ZNF518B: variants seen among roughly 807,000 people sequenced by gnomAD.
The protein encoded by ZNF518B is zinc finger protein 518B.
In ZNF518B, 23 loss-of-function variants were observed where a neutral mutation model predicts 56.3. That is an observed-to-expected ratio of 0.41 (90% CI 0.29 to 0.58). ZNF518B has a LOEUF of 0.58. Ranked by LOEUF, ZNF518B falls within the 20% of genes least tolerant of loss-of-function variation. The pLI is 0.32. For missense variants in ZNF518B, 1,460 were observed against 1,272.1 expected, an observed-to-expected ratio of 1.15 and a Z score of -2.25; for synonymous variants, 529 against 465.9, an observed-to-expected ratio of 1.14 and a Z score of -1.74.
chr4:10,444,668 T>C lies in ZNF518B; in HGVS notation c.1661A>G (p.Glu554Gly). ...AGGAATATTGACTTTACTTGTAGAT[T>C]CCAAGTCATTTTCACTTACAGGCAA... is the stretch of plus-strand genomic sequence containing the variant. ...GLLPVSENDL[E>G]STSKVNIPVK... Residue 554 changes from glutamate to glycine, a missense_variant, in exon 3 of 3, where the codon GAA (glutamate) becomes GGA (glycine). Coordinates refer to ENST00000326756, the MANE Select transcript of ZNF518B (RefSeq NM_053042.3). 1 of 1,614,204 alleles carries C rather than the reference T, an allele frequency of 6.2e-7. No homozygotes were observed. Among genetic ancestry groups the C allele is most frequent in the Non-Finnish European group, 8.5e-7 (1 of 1,180,036 alleles).
chr4:10,458,131 A>C (rs1007244385), upstream of ZNF518B, among the ~76,000 whole-genome samples: 1 of 152,020 alleles, frequency 6.6e-6, no homozygotes, highest in African/African-American at 2.4e-5. Flanking sequence ...CTCTAGATAC[A>C]CCTGCATCTA....
Position 10,440,826 on chromosome 4 carries a change from T to C in ZNF518B, c.*2278A>G, listed in dbSNP as rs1216882404. The C allele has an allele frequency of 1.3e-5, 2 of 152,076 alleles. No individual in the cohort carries two copies. Among genetic ancestry groups the C allele is most frequent in the Non-Finnish European group, 1.5e-5 (1 of 68,004 alleles). 9.4% of individuals were successfully genotyped at this position (152,076 alleles called of 1,614,324 possible). A position where few individuals can be genotyped will look rare whatever the true frequency, so the allele number is the denominator to read the frequency against. On this transcript the variant is annotated 3_prime_UTR_variant, in exon 3 of 3. Transcript: ENST00000326756. ...TCCAGCTTTTCAGGAAAAAGCACTA[T>C]GTGGTGAGGAATAGGAGATAAAAAA... is the stretch of plus-strand genomic sequence containing the variant.
chr4:10,460,303 TCAAAAAAAAAAAAAAAAAAAC>T (rs1165959041), upstream of ZNF518B, among the ~76,000 whole-genome samples: 7 of 16,616 alleles, frequency 4.2e-4, no homozygotes, highest in South Asian at 3.4e-3. Flanking sequence ...AGACTCTGTC[TCAAAAAAAAAAAAAAAAAAAC>T]CAAAAAAAAA....
At chr4:10,460,325 C>CAAAAAAAAAAAAAA (rs1043723933), upstream of ZNF518B, among the ~76,000 whole-genome samples, 793 of 57,584 alleles carry the variant, frequency 0.014, 248 homozygotes, top group East Asian at 0.017. Flanking sequence ...AAAAAAAAAC[C>CAAAAAAAAAAAAAA]AAAAAAAAAA....
Position 10,442,445 on chromosome 4 carries a change from T to C in ZNF518B, c.*659A>G, listed in dbSNP as rs978808403. 2.0e-5 allele frequency: 3 copies of C among 152,256 alleles called. No homozygotes were observed. Among genetic ancestry groups the C allele is most frequent in the African/African-American group, 7.2e-5 (3 of 41,466 alleles). The allele number at this position is 152,256 out of a possible 1,614,324, so 9.4% of individuals were successfully genotyped here. A position where few individuals can be genotyped will look rare whatever the true frequency, so the allele number is the denominator to read the frequency against. Reference sequence around the variant, plus strand: ...AAAAGCTAAGTATTTGAAAATGTTATCTTTCTTCTAACACTTGCTGTGAAA... The same window carrying C: ...AAAAGCTAAGTATTTGAAAATGTTACCTTTCTTCTAACACTTGCTGTGAAA... On this transcript the variant is annotated 3_prime_UTR_variant, in exon 3 of 3. Coordinates refer to ENST00000326756, the MANE Select transcript of ZNF518B (RefSeq NM_053042.3).
upstream of ZNF518B, among the ~76,000 whole-genome samples, chr4:10,459,982 C>T (rs535842505): frequency 5.3e-5 from 8 of 152,164 alleles, no homozygotes; most frequent in South Asian, 2.1e-4. Flanking sequence ...TGGGAGCCAA[C>T]GTTCATTCAT....
chr4:10,452,221 C>T (rs1000076579), intron 2 of ZNF518B: 1 of 152,166 alleles, frequency 6.6e-6, no homozygotes, highest in African/African-American at 2.4e-5. Context: ...GATCCTGTCC[C>T]TCATTTGCAG....
chr4:10,451,338 T>C (rs1235216446), intron 2 of ZNF518B: 1 of 152,188 alleles, frequency 6.6e-6, no homozygotes, highest in Admixed American at 6.5e-5. Context: ...TGAAGAGAAG[T>C]AAGTGGTAAC....
chr4:10,458,132 C>T (rs1017251212), upstream of ZNF518B, among the ~76,000 whole-genome samples: 2 of 152,130 alleles, frequency 1.3e-5, no homozygotes, highest in Admixed American at 1.3e-4. Flanking sequence ...TCTAGATACA[C>T]CTGCATCTAC....
At chr4:10,457,899 C>T (rs948830140), upstream of ZNF518B, among the ~76,000 whole-genome samples, 1 of 152,194 alleles carries the variant, frequency 6.6e-6, no homozygotes, top group African/African-American at 2.4e-5. Flanking sequence ...ATCTTAGCTG[C>T]TGGACCTTGG....
Position 10,442,238 on chromosome 4 carries a change from G to A in ZNF518B, c.*866C>T, listed in dbSNP as rs530925396. The stretch of plus-strand genomic sequence containing the variant: ...TGAGCCTACCTTGAACTGTGTTTGC[G>A]AGTTTTACCTATGTTGTAAGCCTGT... On this transcript the variant is annotated 3_prime_UTR_variant, in exon 3 of 3. Coordinates refer to ENST00000326756, the MANE Select transcript of ZNF518B (RefSeq NM_053042.3). 3 of 152,314 alleles carry A rather than the reference G, an allele frequency of 2.0e-5. No homozygotes were observed. The highest frequency in any genetic ancestry group is 6.5e-5 in the Admixed American group (1 of 15,296). 9.4% of individuals were successfully genotyped at this position (152,314 alleles called of 1,614,324 possible).
rs906822237 is a variant in ZNF518B, at chr4:10,442,026, AG to A, written c.*1077del. 1 of 152,226 alleles carries A rather than the reference AG, an allele frequency of 6.6e-6. No homozygotes were observed. The highest frequency in any genetic ancestry group is 2.4e-5 in the African/African-American group (1 of 41,462). The allele number at this position is 152,226 out of a possible 1,614,324, so 9.4% of individuals were successfully genotyped here. A position where few individuals can be genotyped will look rare whatever the true frequency, so the allele number is the denominator to read the frequency against. The stretch of plus-strand genomic sequence containing the variant: ...CTTAAGGGGTCTCAAAGGCACAGAA[AG>A]GAAGAAACAGTGGGCAAGGAAGTTG... On this transcript the variant is annotated 3_prime_UTR_variant, in exon 3 of 3. Coordinates refer to ENST00000326756, the MANE Select transcript of ZNF518B (RefSeq NM_053042.3).
upstream of ZNF518B, among the ~76,000 whole-genome samples, chr4:10,458,672 C>G (rs1237556097): frequency 6.6e-6 from 1 of 152,170 alleles, no homozygotes; most frequent in Admixed American, 6.5e-5. Context: ...CTCAGAAAAG[C>G]TAAGGAACCT....
At chr4:10,457,902 G>T (rs192096842), upstream of ZNF518B, among the ~76,000 whole-genome samples, 106 of 152,320 alleles carry the variant, frequency 7.0e-4, no homozygotes, top group African/African-American at 2.5e-3. Context: ...TTAGCTGCTG[G>T]ACCTTGGCGA....
chr4:10,461,077 G>C (rs1715728971), upstream of ZNF518B, among the ~76,000 whole-genome samples: 1 of 152,272 alleles, frequency 6.6e-6, no homozygotes, highest in Non-Finnish European at 1.5e-5. Flanking sequence ...CTGGGGTGCA[G>C]GAGGTTAAGG....
upstream of ZNF518B, among the ~76,000 whole-genome samples, chr4:10,460,781 A>G (rs1296862185): frequency 2.6e-5 from 4 of 152,044 alleles, no homozygotes; most frequent in Non-Finnish European, 5.9e-5. Context: ...TCTGGCCTCT[A>G]CCGCTCCCGA....
At chr4:10,460,325 C>CAAAAAAAAAAAAAAAAAAAAAAAAAAA (rs1043723933), upstream of ZNF518B, among the ~76,000 whole-genome samples, 6 of 57,586 alleles carry the variant, frequency 1.0e-4, 1 homozygote, top group Non-Finnish European at 1.3e-4. Flanking sequence ...AAAAAAAAAC[C>CAAAAAAAAAAAAAAAAAAAAAAAAAAA]AAAAAAAAAA....
chr4:10,446,054 C>T lies in ZNF518B; in HGVS notation c.275G>A (p.Gly92Asp). ...GMYVCFQCSL[G>D]AAPPNFHFVS... ...AAAATGAAAATTGGGAGGAGCTGCACCGAGGCTGCACTGGAAGCAGACATA... is the reference window on the plus strand; with the variant it reads ...AAAATGAAAATTGGGAGGAGCTGCATCGAGGCTGCACTGGAAGCAGACATA... The change falls in exon 3 of 3, where the codon GGT (glycine) becomes GAT (aspartate). Residue 92 changes from glycine to aspartate, a missense_variant. Physicochemically the swap from Gly to Asp is moderately conservative, Grantham distance 94. Coordinates refer to ENST00000326756, the MANE Select transcript of ZNF518B (RefSeq NM_053042.3). The T allele has an allele frequency of 1.2e-6, 2 of 1,614,094 alleles. No homozygotes were observed. The highest frequency in any genetic ancestry group is 1.6e-4 in the Middle Eastern group (1 of 6,062).
rs764526986 is a variant in ZNF518B at position 10,443,600 on chromosome 4, C to T, written c.2729G>A (p.Cys910Tyr). The change falls in exon 3 of 3, where the codon TGT becomes TAT. Residue 910 changes from cysteine to tyrosine, a missense_variant. Physicochemically the swap from Cys to Tyr is radical, Grantham distance 194 (BLOSUM62 -2). Coordinates refer to ENST00000326756, the MANE Select transcript of ZNF518B (RefSeq NM_053042.3). ...KNKIQAEPSR[C>Y]LKDPSIFQVA... is the part of the protein sequence containing the mutation. ...CTGAAAAATTGAAGGATCCTTGAGA[C>T]AGCGGCTAGGTTCAGCTTGAATTTT... is the stretch of plus-strand genomic sequence containing the variant. 2 of 1,614,188 alleles carry T rather than the reference C, an allele frequency of 1.2e-6. No homozygotes were observed. Among genetic ancestry groups the T allele is most frequent in the Admixed American group, 1.7e-5 (1 of 60,026 alleles).
Sources: gnomAD v4.1 joint callset for allele counts (sites outside exome capture counted in the v4.1 genomes callset) on GRCh38, gnomAD v4.1.1 for gene constraint, MANE v1.5 for transcripts, NCBI Gene and HGNC (gene_info 2026-07-23, HGNC 2026-07-21) for gene names.